The following TLL2 variants were observed in gnomAD, a reference collection of about 807,000 sequenced individuals.
TLL2 encodes the protein tolloid-like protein 2.
A neutral mutation model predicts 123.0 loss-of-function variants in TLL2; 106 were observed. The observed-to-expected ratio is 0.86, with a 90% CI of 0.74 to 1.01. The LOEUF (loss-of-function observed/expected upper bound fraction) is 1.01, where lower values mean the gene tolerates loss of function less well. TLL2 is among the 50% of genes least tolerant of loss of function. The pLI, the probability that TLL2 is intolerant of heterozygous loss-of-function variation, is 0.00. For missense variants in TLL2, 1,332 were observed against 1,336.7 expected (o/e 1.00, Z 0.06); for synonymous variants, 494 against 516.8 (o/e 0.96, Z 0.60).
chr10:96,405,410 T>C lies in TLL2; in HGVS notation c.1165-76A>G. ...TGGGAAGATATATCTTGCATACTGG[T>C]GTTCTCACGTTACCCTTTAGCATGC... On this transcript the variant is annotated intron_variant, in intron 9 of 20. Coordinates refer to ENST00000357947, the MANE Select transcript of TLL2 (RefSeq NM_012465.4). 1.5e-6 allele frequency: 2 copies of C among 1,325,550 alleles called. 1 individual carries two copies. Among genetic ancestry groups the C allele is most frequent in the South Asian group, 2.4e-5 (2 of 83,822 alleles). The allele number at this position is 1,325,550 out of a possible 1,614,324, so 82.1% of individuals were successfully genotyped here. A position where few individuals can be genotyped will look rare whatever the true frequency, so the allele number is the denominator to read the frequency against.
At chr10:96,450,967 C>T (rs1016780001) in intron 2 of TLL2, among the ~76,000 whole-genome samples, 4 of 152,202 alleles carry the variant, frequency 2.6e-5, no homozygotes, top group Non-Finnish European at 4.4e-5. Flanking sequence ...TTTATTCAGA[C>T]GTCTCCTTTG....
intron 9 of TLL2, among the ~76,000 whole-genome samples, 193 bp from the exon 10 acceptor site, chr10:96,405,527 G>T (rs926613592): frequency 6.6e-6 from 1 of 152,176 alleles, no homozygotes; most frequent in African/African-American, 2.4e-5. Flanking sequence ...GCAGGATGGG[G>T]AGTAAACAGA....
chr10:96,444,431 G>A (rs1469463090), intron 3 of TLL2, among the ~76,000 whole-genome samples: 1 of 152,172 alleles, frequency 6.6e-6, no homozygotes, highest in Admixed American at 6.5e-5. Context: ...GCCTTGGAGG[G>A]GTTGTGCCCA....
chr10:96,445,947 T>C (rs1264935337), intron 3 of TLL2, 144 bp downstream of exon 3: 9 of 813,914 alleles, frequency 1.1e-5, no homozygotes, highest in African/African-American at 3.4e-5. Flanking sequence ...TGGAACTCAA[T>C]AGGGGTAATG....
intron 6 of TLL2, 80 bp downstream of exon 6, chr10:96,422,469 C>A: frequency 1.3e-6 from 2 of 1,512,932 alleles, no homozygotes; most frequent in Non-Finnish European, 9.1e-7. Flanking sequence ...CCCAGCAAGT[C>A]CCCTCCTTCC....
At chr10:96,433,878 C>T (rs1025169973) in intron 3 of TLL2, among the ~76,000 whole-genome samples, 1 of 152,106 alleles carries the variant, frequency 6.6e-6, no homozygotes, top group Non-Finnish European at 1.5e-5. Context: ...CGGGTTCAAG[C>T]GATTCTCCTG....
intron 13 of TLL2, 41 bp from the exon 14 acceptor site, chr10:96,387,119 AGCCTCCTG>A: frequency 6.2e-7 from 1 of 1,601,850 alleles, no homozygotes; most frequent in Non-Finnish European, 8.5e-7. Flanking sequence ...ATTGTCAGGA[AGCCTCCTG>A]GCTGTTCCCA....
intron 2 of TLL2, among the ~76,000 whole-genome samples, chr10:96,462,596 A>G (rs184332786): frequency 1.7e-4 from 26 of 152,338 alleles, no homozygotes; most frequent in Middle Eastern, 6.8e-3. Flanking sequence ...GCTCTATACT[A>G]TACTGGTCAC....
chr10:96,401,730 T>G (rs1846399412), intron 10 of TLL2, among the ~76,000 whole-genome samples: 1 of 152,212 alleles, frequency 6.6e-6, no homozygotes, highest in Non-Finnish European at 1.5e-5. Flanking sequence ...GAAATCTCTC[T>G]GCCTGTGCCC....
chr10:96,459,685 AAAAAAAAAAAAAAAAAAAAAATATATAT>A (rs1847054577), intron 2 of TLL2, among the ~76,000 whole-genome samples: 3 of 58,208 alleles, frequency 5.2e-5, no homozygotes, highest in Admixed American at 4.3e-4. Context: ...AAAAAAAAAA[AAAAAAAAAAAAAAAAAAAAAATATATAT>A]ATATATATAT....
intron 2 of TLL2, among the ~76,000 whole-genome samples, chr10:96,464,702 G>A (rs1847112122): frequency 6.6e-6 from 1 of 152,170 alleles, no homozygotes; most frequent in African/African-American, 2.4e-5. Flanking sequence ...TACACCACCT[G>A]CTTTCAAACA....
At chr10:96,505,949 C>G (rs1247806640) in intron 1 of TLL2, among the ~76,000 whole-genome samples, 1 of 152,052 alleles carries the variant, frequency 6.6e-6, no homozygotes, top group Admixed American at 6.5e-5. Flanking sequence ...CCAGGTCTCA[C>G]CGTTAGAAAG....
chr10:96,384,454 T>G, intron 16 of TLL2, 133 bp downstream of exon 16: 1 of 938,922 alleles, frequency 1.1e-6, no homozygotes, highest in Non-Finnish European at 1.5e-6. Flanking sequence ...GCACGCCCCC[T>G]CCAAGGCAGC....
At chr10:96,505,577 A>G (rs972832054) in intron 1 of TLL2, among the ~76,000 whole-genome samples, 1 of 152,240 alleles carries the variant, frequency 6.6e-6, no homozygotes, top group African/African-American at 2.4e-5. Flanking sequence ...AACCACATTC[A>G]TAGATAAGGA....
intron 2 of TLL2, among the ~76,000 whole-genome samples, chr10:96,452,935 A>C (rs1846975320): frequency 6.6e-6 from 1 of 152,268 alleles, no homozygotes; most frequent in African/African-American, 2.4e-5. Flanking sequence ...GTGTAATCTT[A>C]AGTGATTCAA....
At chr10:96,431,357 G>T (rs1315663049) in intron 4 of TLL2, among the ~76,000 whole-genome samples, 2 of 152,150 alleles carry the variant, frequency 1.3e-5, no homozygotes, top group Non-Finnish European at 2.9e-5. Flanking sequence ...CAGGAATTCC[G>T]CTGCCCTGCT....
intron 16 of TLL2, among the ~76,000 whole-genome samples, chr10:96,382,307 G>T (rs1393208525): frequency 6.6e-6 from 1 of 152,226 alleles, no homozygotes; most frequent in Non-Finnish European, 1.5e-5. Flanking sequence ...GGAATTACAG[G>T]CATGAGCCAC....
At chr10:96,388,454 A>C (rs1449417688) in intron 13 of TLL2, among the ~76,000 whole-genome samples, 1 of 152,162 alleles carries the variant, frequency 6.6e-6, no homozygotes, top group Non-Finnish European at 1.5e-5. Context: ...TTTACACACA[A>C]ACTAAAAGAA....
rs144413140 is a variant in TLL2, at chr10:96,483,265, G to T, written c.176-2806C>A. ...TCTCCAGATGTGGCTAAGAATAAGGGAAAAGGAAGGGCAGGACCTCCCAGA... is the reference window on the plus strand; with the variant it reads ...TCTCCAGATGTGGCTAAGAATAAGGTAAAAGGAAGGGCAGGACCTCCCAGA... On this transcript the variant is annotated intron_variant, in intron 1 of 20. Coordinates refer to ENST00000357947, the MANE Select transcript of TLL2 (RefSeq NM_012465.4). Among the ~76,000 whole-genome samples, 34 of 152,308 alleles carry T rather than the reference G, an allele frequency of 2.2e-4. No individual in the cohort carries two copies. The East Asian group carries it at 2.7e-3, about 12-fold the overall frequency.
Sources: gnomAD v4.1 joint callset for allele counts (sites outside exome capture counted in the v4.1 genomes callset) on GRCh38, gnomAD v4.1.1 for gene constraint, MANE v1.5 for transcripts, NCBI Gene and HGNC (gene_info 2026-07-23, HGNC 2026-07-21) for gene names.